Variants in PTPRD observed in about 807,000 individuals in gnomAD.
PTPRD encodes protein tyrosine phosphatase receptor type D.
In PTPRD, 34 loss-of-function variants were observed where a neutral mutation model predicts 214.5. The observed-to-expected ratio is 0.16, with a 90% CI of 0.12 to 0.21. PTPRD has a LOEUF of 0.21. Among genes scored for constraint, PTPRD ranks in the 10% least tolerant of loss-of-function variants. The probability of loss-of-function intolerance (pLI) is 1.00; values close to 1 mark genes in which losing one functional copy is unlikely to be tolerated. For missense variants in PTPRD, 2,545 were observed against 2,398.7 expected, an observed-to-expected ratio of 1.06 and a Z score of -1.27; for synonymous variants, 1,128 against 845.7, an observed-to-expected ratio of 1.33 and a Z score of -5.79.
chr9:8,848,235 C>T (rs2097738927), intron 11 of PTPRD, among the ~76,000 whole-genome samples: 1 of 150,748 alleles, frequency 6.6e-6, no homozygotes. Context: ...GCCTCCAGTC[C>T]CAAGCAGAGA....
intron 2 of PTPRD, among the ~76,000 whole-genome samples, chr9:10,569,329 A>T (rs928479663): frequency 1.3e-5 from 2 of 152,150 alleles, no homozygotes; most frequent in African/African-American, 4.8e-5. Context: ...GCTCACAGCC[A>T]AAGTAGTGCT....
At chr9:9,097,734 G>A (rs1337351113) in intron 10 of PTPRD, among the ~76,000 whole-genome samples, 2 of 152,042 alleles carry the variant, frequency 1.3e-5, no homozygotes, top group Non-Finnish European at 2.9e-5. Flanking sequence ...GGAAATTGTT[G>A]GGAGACAATT....
chr9:9,970,468 A>AAAAAG (rs1566829767), intron 4 of PTPRD, among the ~76,000 whole-genome samples: 9 of 150,592 alleles, frequency 6.0e-5, no homozygotes, highest in East Asian at 3.9e-4. Flanking sequence ...AAAAGAAAAA[A>AAAAAG]AAAATTACTT....
chr9:8,317,833 T>C lies in PTPRD; in HGVS notation c.*41A>G. 3 of 1,583,956 alleles carry C rather than the reference T, an allele frequency of 1.9e-6. No individual in the cohort carries two copies. Among genetic ancestry groups the C allele is most frequent in the South Asian group, 2.2e-5 (2 of 90,448 alleles). Reference sequence around the variant, plus strand: ...GGCTCAGAAGAGACTCCATGGATATTGAAGGGCCTGTAGTAAAAATCCAGA... The same window carrying C: ...GGCTCAGAAGAGACTCCATGGATATCGAAGGGCCTGTAGTAAAAATCCAGA... On this transcript the variant is annotated 3_prime_UTR_variant, in exon 46 of 46. Transcript: ENST00000381196.
At chr9:8,635,019 G>A (rs906998844) in intron 13 of PTPRD, among the ~76,000 whole-genome samples, 2 of 148,904 alleles carry the variant, frequency 1.3e-5, no homozygotes, top group African/African-American at 4.9e-5. Flanking sequence ...GGACCATACA[G>A]ACTAGTAATA....
chr9:8,894,342 T>G, intron 11 of PTPRD, among the ~76,000 whole-genome samples: 1 of 108,652 alleles, frequency 9.2e-6, no homozygotes, highest in Admixed American at 1.2e-4. Context: ...GCAACAAGAG[T>G]GAGACTCCAT....
At chr9:8,673,434 A>G (rs952310214) in intron 12 of PTPRD, among the ~76,000 whole-genome samples, 1 of 152,284 alleles carries the variant, frequency 6.6e-6, no homozygotes, top group South Asian at 2.1e-4. Context: ...TGCTCTATAA[A>G]TTATTAATAA....
chr9:8,968,605 A>G (rs1463997572), intron 11 of PTPRD, among the ~76,000 whole-genome samples: 2 of 152,098 alleles, frequency 1.3e-5, no homozygotes, highest in Non-Finnish European at 2.9e-5. Context: ...TGGGTTCATT[A>G]GTACTACCAA....
intron 3 of PTPRD, among the ~76,000 whole-genome samples, chr9:10,036,950 C>G (rs924959447): frequency 1.3e-5 from 2 of 151,920 alleles, no homozygotes; most frequent in Admixed American, 6.6e-5. Flanking sequence ...GTGGCATGAT[C>G]ATGGTTTACT....
intron 11 of PTPRD, among the ~76,000 whole-genome samples, chr9:8,832,569 A>T (rs889623818): frequency 3.3e-5 from 5 of 152,076 alleles, no homozygotes; most frequent in African/African-American, 1.2e-4. Context: ...GTCACAATAT[A>T]CTTCAAGTTA....
At chr9:8,459,954 G>C (rs2096343208) in intron 33 of PTPRD, among the ~76,000 whole-genome samples, 1 of 151,916 alleles carries the variant, frequency 6.6e-6, no homozygotes, top group African/African-American at 2.4e-5. Context: ...TTGAGAAATA[G>C]CTACAGGGAG....
chr9:9,686,952 G>A (rs1030886487), intron 7 of PTPRD, among the ~76,000 whole-genome samples: 1 of 151,654 alleles, frequency 6.6e-6, no homozygotes, highest in African/African-American at 2.4e-5. Flanking sequence ...AAATGTATAA[G>A]ACATTGTCCC....
At chr9:8,437,875 CTG>C (rs1347435065) in intron 34 of PTPRD, among the ~76,000 whole-genome samples, 2 of 152,214 alleles carry the variant, frequency 1.3e-5, no homozygotes, top group South Asian at 4.1e-4. Context: ...TTGGTGACTC[CTG>C]TGTCTTTCTG....
At chr9:9,654,304 T>C (rs555748964) in intron 7 of PTPRD, among the ~76,000 whole-genome samples, 2 of 152,296 alleles carry the variant, frequency 1.3e-5, no homozygotes, top group South Asian at 2.1e-4. Context: ...GATAGTAACA[T>C]ACTCTTCTTA....
chr9:9,590,838 T>C (rs2092650979), intron 7 of PTPRD, among the ~76,000 whole-genome samples: 1 of 152,024 alleles, frequency 6.6e-6, no homozygotes, highest in Non-Finnish European at 1.5e-5. Context: ...AGGTTAATGA[T>C]ATTAACTCTT....
At chr9:10,374,728 C>G (rs2097694576) in intron 2 of PTPRD, among the ~76,000 whole-genome samples, 3 of 151,974 alleles carry the variant, frequency 2.0e-5, no homozygotes, top group Non-Finnish European at 2.9e-5. Context: ...AAAGGACCCA[C>G]TTGATTAGAA....
At chr9:8,800,382 G>A (rs1474507409) in intron 11 of PTPRD, among the ~76,000 whole-genome samples, 1 of 152,124 alleles carries the variant, frequency 6.6e-6, no homozygotes, top group East Asian at 1.9e-4. Flanking sequence ...AGACAGTGAA[G>A]GCATTCTAAG....
At chr9:8,928,367 A>C (rs1405609392) in intron 11 of PTPRD, among the ~76,000 whole-genome samples, 1 of 151,972 alleles carries the variant, frequency 6.6e-6, no homozygotes, top group Non-Finnish European at 1.5e-5. Flanking sequence ...TCCATCTTTC[A>C]TTAATTTTTG....
At chr9:9,886,981 C>G (rs2071186489) in intron 5 of PTPRD, among the ~76,000 whole-genome samples, 1 of 152,052 alleles carries the variant, frequency 6.6e-6, no homozygotes, top group African/African-American at 2.4e-5. Flanking sequence ...AAACACCTCC[C>G]AAATTCCTGA....
Sources: allele counts gnomAD v4.1 joint callset (sites outside exome capture counted in the v4.1 genomes callset), GRCh38; gene constraint gnomAD v4.1.1; transcripts MANE v1.5; gene names NCBI Gene and HGNC (gene_info 2026-07-23, HGNC 2026-07-21).